Variants in DENND3 observed in about 807,000 individuals in gnomAD.
The protein encoded by DENND3 is DENN domain-containing protein 3.
DENND3 carries 88 observed loss-of-function variants against 135.1 expected under a neutral mutation model. The observed-to-expected ratio is 0.65, with a 90% CI of 0.55 to 0.78. The LOEUF (loss-of-function observed/expected upper bound fraction) is 0.78, where lower values mean the gene tolerates loss of function less well. Among genes scored for constraint, DENND3 ranks in the 30% least tolerant of loss-of-function variants. DENND3 has a pLI of 0.00. For missense variants in DENND3, 1,392 were observed against 1,688.4 expected (o/e 0.82, Z 3.08); for synonymous variants, 693 against 712.3 (o/e 0.97, Z 0.43).
intron 18 of DENND3, chr8:141,188,760 G>C (rs181791115): frequency 1.9e-6 from 1 of 535,334 alleles, no homozygotes; most frequent in Non-Finnish European, 3.2e-6. Context: ...TCAATCATAC[G>C]TAGTCAATAA....
At chr8:141,173,001 G>A (rs889900083) in intron 13 of DENND3, among the ~76,000 whole-genome samples, 4 of 150,122 alleles carry the variant, frequency 2.7e-5, no homozygotes, top group African/African-American at 9.7e-5. Flanking sequence ...GTAGGCTGAG[G>A]CACCCCAGTC....
rs747086575 is a variant in DENND3, at chr8:141,192,616, C to T, written c.3589C>T (p.Leu1197Phe). ...DLAQPPQRVP[L>F]EDCSEINCMI... ...GGCCCAGCCCCCGCAGAGGGTGCCC[C>T]TCGAGGACTGCTCTGAGATCAACTG... The change falls in exon 22 of 23, where the codon CTC becomes TTC. Residue 1197 changes from leucine to phenylalanine, a missense_variant. By Grantham distance (22) the Leu-to-Phe change is conservative. Transcript: ENST00000519811. 6.3e-7 allele frequency: 1 copy of T among 1,598,616 alleles called. No homozygotes were observed. Among genetic ancestry groups the T allele is most frequent in the Admixed American group, 1.7e-5 (1 of 59,374 alleles).
At position 141,146,503 on chromosome 8, in the gene DENND3, C is replaced by T. The variant is rs1200032277; in HGVS notation, c.735+2244C>T. ...TTTCCTTTAATAGACACCCGTCAAA[C>T]GTCTCAAAATGTTTAGTAAATGTCG... On this transcript the variant is annotated intron_variant, in intron 5 of 22. Coordinates refer to ENST00000519811, the MANE Select transcript of DENND3 (RefSeq NM_001352890.3). The surrounding 1 kb of genome is among the most constrained non-coding windows in gnomAD (Gnocchi z 4.3). Among the ~76,000 whole-genome samples, 3 of 152,186 alleles carry T rather than the reference C, an allele frequency of 2.0e-5. No homozygotes were observed. Among genetic ancestry groups the T allele is most frequent in the East Asian group, 1.9e-4 (1 of 5,190 alleles).
At chr8:141,184,117 C>T (rs1410058451) in intron 17 of DENND3, among the ~76,000 whole-genome samples, 1 of 152,212 alleles carries the variant, frequency 6.6e-6, no homozygotes, top group African/African-American at 2.4e-5. Context: ...TTCCCCAGAC[C>T]CTGCCACAGG....
intron 13 of DENND3, among the ~76,000 whole-genome samples, chr8:141,170,429 G>A (rs554914342): frequency 6.6e-6 from 1 of 152,282 alleles, no homozygotes; most frequent in East Asian, 1.9e-4. Flanking sequence ...ATGTGTGCGA[G>A]TGTGCGTGTG....
At chr8:141,164,571 T>G (rs1174393874) in intron 10 of DENND3, among the ~76,000 whole-genome samples, 5 of 152,218 alleles carry the variant, frequency 3.3e-5, no homozygotes, top group Non-Finnish European at 7.3e-5. Context: ...CTCTGCCCTG[T>G]GAGCTTGGAG....
Position 141,192,523 on chromosome 8 carries a change from C to G in DENND3, c.3499-3C>G, listed in dbSNP as rs1464603834. The G allele has an allele frequency of 1.3e-6, 2 of 1,598,604 alleles. No individual in the cohort carries two copies. Among genetic ancestry groups the G allele is most frequent in the East Asian group, 2.2e-5 (1 of 44,718 alleles). ...ATAGCCCACACCGTGCCCTGCGTTT[C>G]AGGAGGAGCAGCTGTGGGCGGCCTG... On this transcript the variant is annotated splice_region_variant and splice_polypyrimidine_tract_variant and intron_variant, in intron 21 of 22. Transcript: ENST00000519811.
chr8:141,161,628 C>A (rs7011412), intron 9 of DENND3, among the ~76,000 whole-genome samples: 1 of 152,020 alleles, frequency 6.6e-6, no homozygotes, highest in Non-Finnish European at 1.5e-5. Flanking sequence ...TGGCAGTGTT[C>A]TTCCTCTCCT....
In DENND3 at chr8:141,136,768, C is replaced by A; in HGVS notation, c.362C>A (p.Thr121Asn). Residue 121 changes from threonine (T) to asparagine (N), a missense_variant, in exon 2 of 23, where the codon ACC becomes AAC. Coordinates refer to ENST00000519811, the MANE Select transcript of DENND3 (RefSeq NM_001352890.3). ...GTCCCGGGCGGCGTGGACCTCCTCA[C>A]CCTGCCGCAGCTGTGCTTCCCAGGT... ...VAVPGGVDLL[T>N]LPQLCFPGGV... 1 of 1,584,590 alleles carries A rather than the reference C, an allele frequency of 6.3e-7. No homozygotes were observed. The highest frequency in any genetic ancestry group is 8.6e-7 in the Non-Finnish European group (1 of 1,166,310).
At chr8:141,135,152 C>CTTTT (rs532006355) in intron 1 of DENND3, among the ~76,000 whole-genome samples, 4 of 134,964 alleles carry the variant, frequency 3.0e-5, no homozygotes, top group Non-Finnish European at 4.8e-5. Flanking sequence ...TTCTTTCTTT[C>CTTTT]TTTTTTTTTT....
intron 17 of DENND3, 150 bp from the exon 18 acceptor site, chr8:141,184,989 C>T (rs1823707498): frequency 9.9e-7 from 1 of 1,006,570 alleles, no homozygotes; most frequent in Admixed American, 2.7e-5. Flanking sequence ...GCAGGGAAGC[C>T]TCTGCCTGGG....
At chr8:141,172,180 G>C (rs1038233264) in intron 13 of DENND3, among the ~76,000 whole-genome samples, 3 of 148,958 alleles carry the variant, frequency 2.0e-5, no homozygotes, top group Admixed American at 1.3e-4. Context: ...CACAGTGTGG[G>C]TGTACACTGT....
chr8:141,157,536 G>A, intron 8 of DENND3: 1 of 985,892 alleles, frequency 1.0e-6, no homozygotes, highest in Non-Finnish European at 1.2e-6. Context: ...AAACAGCCGG[G>A]CTGTACTTGC....
intron 9 of DENND3, among the ~76,000 whole-genome samples, 156 bp downstream of exon 9, chr8:141,160,943 A>ACTCC (rs1421614875): frequency 6.6e-6 from 1 of 152,158 alleles, no homozygotes; most frequent in Non-Finnish European, 1.5e-5. Context: ...TTTTCTTGTG[A>ACTCC]CTGTAACAAT....
rs781581339 is a variant in DENND3 at position 141,168,522 on chromosome 8, G to A, written c.2272G>A (p.Val758Ile). ...ACACCGGCTGTTCGAGGCCTTGACT[G>A]TAGGTAAGAGGAGGCCTGGCACCAT... ...IIHRLFEALT[V>I]GQEKQIDPET... The change falls in exon 13 of 23, where the codon GTA (valine) becomes ATA (isoleucine). Residue 758 changes from valine (V) to isoleucine (I), a missense_variant. Val to Ile is a conservative substitution (Grantham distance 29, BLOSUM62 3). Coordinates refer to ENST00000519811, the MANE Select transcript of DENND3 (RefSeq NM_001352890.3). This position sits in a 1 kb window ranked among gnomAD's most constrained non-coding sequence, Gnocchi z 6.2. 5.0e-6 allele frequency: 8 copies of A among 1,603,604 alleles called. No individual in the cohort carries two copies. The Admixed American group carries it at 5.0e-5, about 10-fold the overall frequency.
Position 141,138,163 on chromosome 8 carries a change from T to G in DENND3, c.501+26T>G. On this transcript the variant is annotated intron_variant, in intron 3 of 22. Coordinates refer to ENST00000519811, the MANE Select transcript of DENND3 (RefSeq NM_001352890.3). The surrounding 1 kb of genome is among the most constrained non-coding windows in gnomAD (Gnocchi z 4.8). Reference sequence around the variant, plus strand: ...GTAGGTGGTTCCCGTTACTCCCCTCTGAAATTGGGTTTAGATTTTTTATTA... The same window carrying G: ...GTAGGTGGTTCCCGTTACTCCCCTCGGAAATTGGGTTTAGATTTTTTATTA... 1 of 1,569,878 alleles carries G rather than the reference T, an allele frequency of 6.4e-7. No individual in the cohort carries two copies. Among genetic ancestry groups the G allele is most frequent in the Non-Finnish European group, 8.7e-7 (1 of 1,154,878 alleles).
In DENND3 at chr8:141,175,260, C is replaced by T. The variant is rs201261244; in HGVS notation, c.2336C>T (p.Thr779Met). Residue 779 changes from threonine to methionine, a missense_variant, in exon 14 of 23, where the codon ACG becomes ATG. Thr to Met is a moderately conservative substitution (Grantham distance 81). Transcript: ENST00000519811. The surrounding 1 kb of genome is among the most constrained non-coding windows in gnomAD (Gnocchi z 5.4). ...FKDFYNCWKE[T>M]EAEAQEVSLP... Reference sequence around the variant, plus strand: ...GATTTCTACAACTGCTGGAAGGAGACGGAAGCAGAAGCCCAGGAGGTCAGT... The same window carrying T: ...GATTTCTACAACTGCTGGAAGGAGATGGAAGCAGAAGCCCAGGAGGTCAGT... The T allele has an allele frequency of 2.2e-5, 35 of 1,614,060 alleles. No homozygotes were observed. In the Middle Eastern group the frequency reaches 4.9e-4, roughly 23 times the overall value.
intron 17 of DENND3, among the ~76,000 whole-genome samples, chr8:141,183,959 G>A (rs1280932261): frequency 2.0e-5 from 3 of 152,230 alleles, no homozygotes; most frequent in African/African-American, 4.8e-5. Context: ...GCCTCCCTGC[G>A]GCCTGTGCTT....
rs1359261364 is a variant in DENND3 at position 141,138,922 on chromosome 8, C to T, written c.501+785C>T. On this transcript the variant is annotated intron_variant, in intron 3 of 22. Transcript: ENST00000519811. This position sits in a 1 kb window ranked among gnomAD's most constrained non-coding sequence, Gnocchi z 4.8. The stretch of plus-strand genomic sequence containing the variant: ...CGATGGACCTGTGGGTTGTTTCCGC[C>T]TTTTGTCTTTGGTGTGAGCGACTGG... 6.6e-6 allele frequency among the ~76,000 whole-genome samples: 1 copy of T among 152,200 alleles called. No individual in the cohort carries two copies. The highest frequency in any genetic ancestry group is 2.4e-5 in the African/African-American group (1 of 41,450).
Sources: allele counts gnomAD v4.1 joint callset (sites outside exome capture counted in the v4.1 genomes callset), GRCh38; gene constraint gnomAD v4.1.1; non-coding constraint Gnocchi (gnomAD v3.1); transcripts MANE v1.5; gene names NCBI Gene and HGNC (gene_info 2026-07-23, HGNC 2026-07-21).